Variants in GCNT1 observed in about 807,000 individuals in gnomAD.
GCNT1 encodes the protein glucosaminyl (N-acetyl) transferase 1, also known as beta-1,3-galactosyl-O-glycosyl-glycoprotein beta-1,6-N-acetylglucosaminyltransferase.
Under a neutral mutation model 26.2 loss-of-function variants are expected in GCNT1, and 16 were observed. The ratio of observed to expected loss-of-function variants is 0.61; its 90% CI spans 0.41 to 0.93. The LOEUF is 0.93. GCNT1 is among the 40% of genes least tolerant of loss of function. The pLI is 0.00. For missense variants in GCNT1, 477 were observed against 526.7 expected (o/e 0.91, Z 0.92); for synonymous variants, 183 against 190.8 (o/e 0.96, Z 0.34).
chr9:76,433,215 G>A (rs1304080769), intron 1 of GCNT1, among the ~76,000 whole-genome samples: 1 of 152,214 alleles, frequency 6.6e-6, no homozygotes, highest in Non-Finnish European at 1.5e-5. Context: ...TAACACTGTA[G>A]CCCTCTGCCC....
At chr9:76,454,842 C>CTTTTTTTTTTTTTTTT (rs1183951605), upstream of GCNT1, among the ~76,000 whole-genome samples, 11 of 105,656 alleles carry the variant, frequency 1.0e-4, no homozygotes, top group Non-Finnish European at 1.5e-4. Flanking sequence ...CTTTTCTTTT[C>CTTTTTTTTTTTTTTTT]TTTTTTTTTT....
At chr9:76,454,377 C>A, upstream of GCNT1, among the ~76,000 whole-genome samples, 1 of 103,882 alleles carries the variant, frequency 9.6e-6, no homozygotes, top group Admixed American at 1.3e-4. Flanking sequence ...GAAACTCTGT[C>A]TCAGAAAAGA....
At chr9:76,399,153 C>G in the GCNT1 span, 7 of 1,478,562 alleles carry the variant, frequency 4.7e-6, no homozygotes, top group Non-Finnish European at 5.6e-6. Flanking sequence ...AACACAGATT[C>G]TCCTATGCGC....
the GCNT1 span, among the ~76,000 whole-genome samples, chr9:76,410,919 GC>G: frequency 6.6e-6 from 1 of 152,116 alleles, no homozygotes; most frequent in Non-Finnish European, 1.5e-5. Context: ...TGAAAATTGA[GC>G]CCTTTATCCA....
chr9:76,500,186 G>A (rs1280266239), intron 2 of GCNT1, among the ~76,000 whole-genome samples: 1 of 151,952 alleles, frequency 6.6e-6, no homozygotes, highest in East Asian at 1.9e-4. Flanking sequence ...GTCAACCATG[G>A]AAATCAGATC....
At chr9:76,498,927 A>AT (rs978000001) in intron 2 of GCNT1, among the ~76,000 whole-genome samples, 51 of 152,194 alleles carry the variant, frequency 3.4e-4, no homozygotes, top group African/African-American at 1.0e-3. Context: ...TTGTCTGTAT[A>AT]TATATACCTT....
intron 2 of GCNT1, among the ~76,000 whole-genome samples, chr9:76,468,567 A>G (rs1489100178): frequency 2.6e-5 from 4 of 152,202 alleles, no homozygotes; most frequent in Admixed American, 6.5e-5. Context: ...GTCCTTTGCC[A>G]TGCCCTGGGG....
chr9:76,506,580 T>C lies in GCNT1; in HGVS notation c.*2912T>C, dbSNP rs990917531. 4 of 166,890 alleles carry C rather than the reference T, an allele frequency of 2.4e-5. No homozygotes were observed. Among genetic ancestry groups the C allele is most frequent in the Non-Finnish European group, 5.9e-5 (4 of 68,062 alleles). The allele number at this position is 166,890 out of a possible 1,614,324, so 10.3% of individuals were successfully genotyped here. ...CCTTAAACATATGTGAACAAAAATT[T>C]TGTGATGGAAGGATTCTAGTTAATG... On this transcript the variant is annotated 3_prime_UTR_variant, in exon 4 of 4. Coordinates refer to ENST00000376730, the MANE Select transcript of GCNT1 (RefSeq NM_001490.5).
intron 2 of GCNT1, among the ~76,000 whole-genome samples, chr9:76,466,145 G>A (rs1485678420): frequency 6.6e-6 from 1 of 152,198 alleles, no homozygotes; most frequent in Non-Finnish European, 1.5e-5. Context: ...GACCCGTAGA[G>A]TTTGATCACT....
At chr9:76,485,128 C>T (rs1483682210) in intron 2 of GCNT1, among the ~76,000 whole-genome samples, 1 of 151,850 alleles carries the variant, frequency 6.6e-6, no homozygotes, top group Non-Finnish European at 1.5e-5. Context: ...ATATTTTACT[C>T]ACTTGTACTC....
At chr9:76,394,373 G>A in the GCNT1 span, 1 of 503,138 alleles carries the variant, frequency 2.0e-6, no homozygotes. Context: ...ATACCGCCGG[G>A]CGCCTGAGGA....
upstream of GCNT1, among the ~76,000 whole-genome samples, chr9:76,419,406 A>G (rs992714688): frequency 4.6e-5 from 7 of 152,242 alleles, no homozygotes; most frequent in African/African-American, 1.7e-4. Context: ...GTAGTGGGTC[A>G]TGTTTGTAAT....
chr9:76,481,469 C>CA (rs1824420620), intron 2 of GCNT1, among the ~76,000 whole-genome samples: 1 of 150,768 alleles, frequency 6.6e-6, no homozygotes, highest in African/African-American at 2.4e-5. Context: ...TATGTGTGGC[C>CA]AAAAACACTT....
chr9:76,453,316 T>C (rs1348330277), intron 1 of GCNT1, among the ~76,000 whole-genome samples: 2 of 152,032 alleles, frequency 1.3e-5, no homozygotes, highest in Non-Finnish European at 2.9e-5. Flanking sequence ...GGTGGACAGA[T>C]TAAATCATTC....
intron 2 of GCNT1, among the ~76,000 whole-genome samples, chr9:76,485,943 G>T (rs1824561929): frequency 6.6e-6 from 1 of 152,084 alleles, no homozygotes; most frequent in Admixed American, 6.5e-5. Context: ...ATATCGGCCA[G>T]GCTGGCCTGA....
intron 2 of GCNT1, among the ~76,000 whole-genome samples, chr9:76,464,363 C>T (rs1375535164): frequency 3.3e-5 from 5 of 151,802 alleles, no homozygotes; most frequent in African/African-American, 4.8e-5. Flanking sequence ...ACTACAGGCA[C>T]ACGCCACTAT....
intron 2 of GCNT1, among the ~76,000 whole-genome samples, chr9:76,480,356 A>G (rs1824387042): frequency 6.6e-6 from 1 of 152,098 alleles, no homozygotes; most frequent in Non-Finnish European, 1.5e-5. Flanking sequence ...TTGGTTCCAT[A>G]TGAACTTTAA....
intron 2 of GCNT1, among the ~76,000 whole-genome samples, chr9:76,475,727 G>C (rs1183365981): frequency 1.3e-5 from 2 of 152,176 alleles, no homozygotes; most frequent in Non-Finnish European, 2.9e-5. Flanking sequence ...AGCATGTGCT[G>C]TGTGTACCAG....
intron 1 of GCNT1, among the ~76,000 whole-genome samples, chr9:76,423,260 T>C (rs1823221734): frequency 6.6e-6 from 1 of 152,194 alleles, no homozygotes; most frequent in African/African-American, 2.4e-5. Context: ...TCCCTAATGA[T>C]GCAATGCTGT....
Sources: gnomAD v4.1 joint callset for allele counts (sites outside exome capture counted in the v4.1 genomes callset) on GRCh38, gnomAD v4.1.1 for gene constraint, MANE v1.5 for transcripts, NCBI Gene and HGNC (gene_info 2026-07-23, HGNC 2026-07-21) for gene names.